Variants in CPED1 observed in about 807,000 individuals in gnomAD.
CPED1 encodes the protein cadherin-like and PC-esterase domain-containing protein 1.
Under a neutral mutation model 128.2 loss-of-function variants are expected in CPED1, and 114 were observed. The ratio of observed to expected loss-of-function variants is 0.89; its 90% confidence interval spans 0.76 to 1.04. The LOEUF (loss-of-function observed/expected upper bound fraction) is 1.04, where lower values mean the gene tolerates loss of function less well. Ranked by LOEUF, CPED1 falls within the 50% of genes least tolerant of loss-of-function variation. The probability of loss-of-function intolerance (pLI) is 0.00; values close to 1 mark genes in which losing one functional copy is unlikely to be tolerated. For synonymous variants in CPED1, 462 were observed against 426.7 expected (o/e 1.08, Z -1.02); for missense variants, 1,211 against 1,207.1 (o/e 1.00, Z -0.05).
At chr7:121,287,974 A>C (rs1323975452) in intron 22 of CPED1, among the ~76,000 whole-genome samples, 1 of 152,190 alleles carries the variant, frequency 6.6e-6, no homozygotes, top group Non-Finnish European at 1.5e-5. Context: ...TATAATATCT[A>C]ATTATTTTTC....
intron 2 of CPED1, among the ~76,000 whole-genome samples, chr7:120,997,630 A>C (rs1291130433): frequency 6.6e-6 from 1 of 152,166 alleles, no homozygotes; most frequent in African/African-American, 2.4e-5. Context: ...GTGTTATAGG[A>C]AGGCAGTAGA....
chr7:121,061,685 T>G (rs1793676918), intron 4 of CPED1, among the ~76,000 whole-genome samples: 1 of 152,202 alleles, frequency 6.6e-6, no homozygotes, highest in Non-Finnish European at 1.5e-5. Context: ...CATATAAAAG[T>G]CAGTGAATCC....
At chr7:121,064,335 T>G (rs779224919) in intron 5 of CPED1, 22 bp downstream of exon 5, 2 of 1,566,342 alleles carry the variant, frequency 1.3e-6, no homozygotes, top group South Asian at 1.1e-5. Flanking sequence ...TTTGCTTCCT[T>G]AGGCTTAAAC....
intron 4 of CPED1, among the ~76,000 whole-genome samples, chr7:121,057,056 A>T (rs1256234314): frequency 6.6e-6 from 1 of 151,696 alleles, no homozygotes; most frequent in East Asian, 1.9e-4. Flanking sequence ...CGGCTCACTG[A>T]AATCTCCACC....
rs555203435 is a variant in CPED1, at chr7:120,998,344, T to C, written c.249+8474T>C. On this transcript the variant is annotated intron_variant, in intron 2 of 22. Coordinates refer to ENST00000310396, the MANE Select transcript of CPED1 (RefSeq NM_024913.5). ...CAAATTAATACCATTTATTAACTTG[T>C]TACCTTGGGCACATTTCTTGACCTC... Among the ~76,000 whole-genome samples the C allele has an allele frequency of 4.6e-5, 7 of 152,330 alleles. No individual in the cohort carries two copies. The East Asian group carries it at 1.3e-3, about 29-fold the overall frequency.
At chr7:121,286,616 T>C (rs892598328) in intron 22 of CPED1, among the ~76,000 whole-genome samples, 15 of 152,118 alleles carry the variant, frequency 9.9e-5, no homozygotes, top group Non-Finnish European at 1.8e-4. Context: ...CTAGTTAATA[T>C]CTAGGATGAT....
chr7:121,039,658 T>C (rs769554500), intron 3 of CPED1, among the ~76,000 whole-genome samples: 1 of 152,006 alleles, frequency 6.6e-6, no homozygotes, highest in Non-Finnish European at 1.5e-5. Flanking sequence ...TAAGCACGCA[T>C]ACCCACACAT....
intron 16 of CPED1, among the ~76,000 whole-genome samples, chr7:121,216,459 G>T (rs1179070703): frequency 6.6e-6 from 1 of 151,978 alleles, no homozygotes; most frequent in Non-Finnish European, 1.5e-5. Context: ...CTCTAATTGA[G>T]TTGCCATGTG....
Position 121,228,454 on chromosome 7 carries a change from T to C in CPED1, c.2056-8260T>C, listed in dbSNP as rs964692214. On this transcript the variant is annotated intron_variant, in intron 16 of 22. Transcript: ENST00000310396. The stretch of plus-strand genomic sequence containing the variant: ...ACAGTGAGATATTACCTAACTCCAG[T>C]CAGAATGACTATTATTAAAAAGACA... Among the ~76,000 whole-genome samples the C allele has an allele frequency of 2.4e-4, 37 of 151,436 alleles. 1 individual carries two copies. The highest frequency in any genetic ancestry group is 8.5e-4 in the African/African-American group (35 of 41,294).
chr7:121,088,880 A>G (rs1427724121), intron 5 of CPED1, among the ~76,000 whole-genome samples: 2 of 151,566 alleles, frequency 1.3e-5, no homozygotes, highest in African/African-American at 4.8e-5. Flanking sequence ...TCTTGGCTCA[A>G]ATTAATTGGA....
rs779224203 is a variant in CPED1 at position 121,271,433 on chromosome 7, A to G, written c.2868+3A>G. The G allele has an allele frequency of 1.8e-5, 29 of 1,610,774 alleles. No individual in the cohort carries two copies. The highest frequency in any genetic ancestry group is 2.2e-5 in the South Asian group (2 of 90,340). On this transcript the variant is annotated splice_donor_region_variant and intron_variant, in intron 22 of 22. Coordinates refer to ENST00000310396, the MANE Select transcript of CPED1 (RefSeq NM_024913.5). ...AGTGTGGATGTCATTTCCATGAGGT[A>G]TTTATGCTGGCTATCTGAGTTTTAT...
chr7:121,144,459 A>G (rs2116378221), intron 16 of CPED1, among the ~76,000 whole-genome samples: 2 of 152,218 alleles, frequency 1.3e-5, no homozygotes, highest in African/African-American at 4.8e-5. Flanking sequence ...GTTCTCAGTC[A>G]TATGTGGGAG....
intron 6 of CPED1, 29 bp downstream of exon 6, chr7:121,097,860 C>A: frequency 6.2e-7 from 1 of 1,611,818 alleles, no homozygotes; most frequent in Non-Finnish European, 8.5e-7. Context: ...ATTGTTATAA[C>A]CAGCATGCAT....
chr7:121,145,424 G>A (rs1796003212), intron 16 of CPED1, among the ~76,000 whole-genome samples: 1 of 151,954 alleles, frequency 6.6e-6, no homozygotes, highest in African/African-American at 2.4e-5. Context: ...CTTTCCACAA[G>A]GTCTTAATTT....
At position 121,214,295 on chromosome 7, in the gene CPED1, T is replaced by C. The variant is rs149839312; in HGVS notation, c.2056-22419T>C. Among the ~76,000 whole-genome samples, 677 of 152,098 alleles carry C rather than the reference T, an allele frequency of 4.5e-3. 5 individuals carry two copies. Among genetic ancestry groups the C allele is most frequent in the African/African-American group, 0.015 (635 of 41,536 alleles). ...GCTGCTCCTTAGAGTATTTTATCTTTATTATTAATTTTTTTGAGACAGAGT... is the reference window on the plus strand; with the variant it reads ...GCTGCTCCTTAGAGTATTTTATCTTCATTATTAATTTTTTTGAGACAGAGT... On this transcript the variant is annotated intron_variant, in intron 16 of 22. Coordinates refer to ENST00000310396, the MANE Select transcript of CPED1 (RefSeq NM_024913.5).
chr7:121,066,974 G>A (rs547181142), intron 5 of CPED1, among the ~76,000 whole-genome samples: 1 of 152,118 alleles, frequency 6.6e-6, no homozygotes, highest in East Asian at 1.9e-4. Flanking sequence ...ATATACAGGA[G>A]GATTGCATAG....
intron 18 of CPED1, among the ~76,000 whole-genome samples, chr7:121,254,117 A>G (rs889191728): frequency 2.0e-5 from 3 of 152,104 alleles, no homozygotes; most frequent in African/African-American, 7.2e-5. Flanking sequence ...TAGTCTTCTC[A>G]TCTACACACA....
At chr7:121,027,702 C>T (rs1792625619) in intron 3 of CPED1, among the ~76,000 whole-genome samples, 1 of 150,112 alleles carries the variant, frequency 6.7e-6, no homozygotes, top group Non-Finnish European at 1.5e-5. Flanking sequence ...TCTCTGTTGC[C>T]AAAGAAAGAA....
At chr7:121,288,339 C>T (rs1421922534) in intron 22 of CPED1, among the ~76,000 whole-genome samples, 1 of 152,128 alleles carries the variant, frequency 6.6e-6, no homozygotes, top group Non-Finnish European at 1.5e-5. Flanking sequence ...TTGGGCCAGC[C>T]ACTGGCCTGG....
Sources: gnomAD v4.1 joint callset for allele counts (sites outside exome capture counted in the v4.1 genomes callset) on GRCh38, gnomAD v4.1.1 for gene constraint, MANE v1.5 for transcripts, NCBI Gene and HGNC (gene_info 2026-07-23, HGNC 2026-07-21) for gene names.